The following STK26 variants were observed in gnomAD, a reference collection of about 807,000 sequenced individuals.
STK26 encodes the protein serine/threonine-protein kinase 26.
Under a neutral mutation model 34.7 loss-of-function variants are expected in STK26, and 14 were observed. The ratio of observed to expected loss-of-function variants is 0.40; its 90% CI spans 0.27 to 0.63. The LOEUF (loss-of-function observed/expected upper bound fraction) is 0.63. Ranked by LOEUF, STK26 falls within the 30% of genes least tolerant of loss-of-function variation. The pLI is 0.38. For synonymous variants in STK26, 100 were observed against 109.8 expected (o/e 0.91, Z 0.56); for missense variants, 226 against 309.1 (o/e 0.73, Z 2.02).
chrX:132,028,062 T>C (rs1935141957), intron 2 of STK26, among the ~76,000 whole-genome samples: 1 of 98,078 alleles, frequency 1.0e-5, no homozygotes, highest in Non-Finnish European at 2.1e-5. Context: ...AGACAATGTT[T>C]AGTGGTTGTC....
At chrX:132,028,650 A>G (rs1569325415) in intron 2 of STK26, among the ~76,000 whole-genome samples, 3 of 111,360 alleles carry the variant, frequency 2.7e-5, no homozygotes, top group Non-Finnish European at 5.7e-5. Flanking sequence ...AGGAAAAGTA[A>G]GGTTGTAAGA....
intron 2 of STK26, among the ~76,000 whole-genome samples, chrX:132,028,996 G>T (rs1483086834): frequency 8.9e-6 from 1 of 112,472 alleles, no homozygotes; most frequent in Non-Finnish European, 1.9e-5. Context: ...ATATGCTAAT[G>T]ATAATGGCAG....
At chrX:132,069,182 A>G (rs1452196849) in intron 6 of STK26, among the ~76,000 whole-genome samples, 1 of 107,662 alleles carries the variant, frequency 9.3e-6, no homozygotes, top group Non-Finnish European at 1.9e-5. Flanking sequence ...ACCCCTTAAG[A>G]GCAGGGATTT....
At chrX:132,058,663 T>C (rs1926944184) in intron 3 of STK26, among the ~76,000 whole-genome samples, 1 of 111,517 alleles carries the variant, frequency 9.0e-6, no homozygotes, top group Admixed American at 9.5e-5. Context: ...AACTAGTTTT[T>C]TGTTTGTCCC....
intron 2 of STK26, among the ~76,000 whole-genome samples, chrX:132,054,126 G>A (rs935808956): frequency 8.9e-6 from 1 of 112,023 alleles, no homozygotes; most frequent in African/African-American, 3.2e-5. Context: ...GACCTGTAAA[G>A]CCTGGAGTCT....
rs1927547637 is a variant in STK26 at position 132,074,790 on chromosome X, C to A, written c.*631C>A. On this transcript the variant is annotated 3_prime_UTR_variant, in exon 12 of 12. Coordinates refer to ENST00000394334, the MANE Select transcript of STK26 (RefSeq NM_016542.4). ...AGGCAATGTACAGCAACAGAGGTAC[C>A]TCTTGGTGTATAGTATTTACATTCT... 1 of 111,127 alleles carries A rather than the reference C, an allele frequency of 9.0e-6. No homozygotes were observed. The highest frequency in any genetic ancestry group is 3.3e-5 in the African/African-American group (1 of 30,633). 9.2% of individuals were successfully genotyped at this position (111,127 alleles called of 1,213,427 possible).
At chrX:132,040,866 A>G (rs1926239490) in intron 2 of STK26, among the ~76,000 whole-genome samples, 3 of 111,984 alleles carry the variant, frequency 2.7e-5, no homozygotes, top group African/African-American at 9.7e-5. Context: ...TACCAATGCC[A>G]CTTGACTACT....
At chrX:132,069,453 T>TATATA (rs1927340488) in intron 6 of STK26, 25 bp from the exon 7 acceptor site, 3 of 304,130 alleles carry the variant, frequency 9.9e-6, no homozygotes, top group African/African-American at 8.1e-5. Context: ...ATATATATAT[T>TATATA]ATTTTCTTTT....
At position 132,023,569 on chromosome X, in the gene STK26, A is replaced by G; in HGVS notation, c.-49A>G. ...CCCCCGGAGGGAGGAGCCAGTCCGA[A>G]CCCAAGGCGCCACCGCCGCAGAAGC... On this transcript the variant is annotated 5_prime_UTR_variant, in exon 2 of 12. Transcript: ENST00000394334. 1 of 1,164,265 alleles carries G rather than the reference A, an allele frequency of 8.6e-7. No individual in the cohort carries two copies. Among genetic ancestry groups the G allele is most frequent in the South Asian group, 1.9e-5 (1 of 52,750 alleles).
intron 2 of STK26, among the ~76,000 whole-genome samples, chrX:132,036,200 T>C (rs1926042465): frequency 8.9e-6 from 1 of 112,422 alleles, no homozygotes; most frequent in Non-Finnish European, 1.9e-5. Context: ...CACTTTTCAA[T>C]TTCTAAAATG....
intron 4 of STK26, among the ~76,000 whole-genome samples, chrX:132,066,602 C>T (rs1927233925): frequency 8.9e-6 from 1 of 112,237 alleles, no homozygotes; most frequent in Non-Finnish European, 1.9e-5. Context: ...TCCCATCCTC[C>T]TCTAGCACCC....
chrX:132,062,488 A>C (rs759705985), intron 3 of STK26, among the ~76,000 whole-genome samples: 1 of 112,123 alleles, frequency 8.9e-6, no homozygotes, highest in African/African-American at 3.2e-5. Context: ...ACAGATTTTT[A>C]AAGCTACACT....
At chrX:132,069,902 A>G (rs1263482804) in intron 7 of STK26, among the ~76,000 whole-genome samples, 1 of 110,336 alleles carries the variant, frequency 9.1e-6, no homozygotes, top group Non-Finnish European at 1.9e-5. Context: ...TATTCTATTC[A>G]TTATTTCCTC....
chrX:132,049,181 C>T (rs1926603630), intron 2 of STK26, among the ~76,000 whole-genome samples: 1 of 111,555 alleles, frequency 9.0e-6, no homozygotes, highest in South Asian at 3.8e-4. Context: ...GATAGGGTTT[C>T]ACCCTGTTGC....
intron 2 of STK26, among the ~76,000 whole-genome samples, chrX:132,027,241 A>G (rs1196757276): frequency 1.8e-5 from 2 of 111,851 alleles, no homozygotes; most frequent in Non-Finnish European, 3.8e-5. Flanking sequence ...TGACTTTACA[A>G]TGGTACTCAC....
intron 2 of STK26, among the ~76,000 whole-genome samples, chrX:132,043,912 C>T (rs945718911): frequency 2.7e-5 from 3 of 111,635 alleles, no homozygotes; most frequent in African/African-American, 9.8e-5. Flanking sequence ...AAATAACTGT[C>T]TCCAGTTGAA....
At chrX:132,055,339 C>A (rs1468385125) in intron 3 of STK26, 8 of 683,493 alleles carry the variant, frequency 1.2e-5, no homozygotes, top group Non-Finnish European at 1.5e-5. Context: ...TACTTACATT[C>A]CTTAGCACAG....
At chrX:132,033,325 A>C (rs1409860925) in intron 2 of STK26, among the ~76,000 whole-genome samples, 2 of 112,184 alleles carry the variant, frequency 1.8e-5, no homozygotes, top group Non-Finnish European at 3.8e-5. Flanking sequence ...TTTTAGCAGA[A>C]GCACAAAAGA....
At chrX:132,063,825 T>A (rs1358307467) in intron 4 of STK26, among the ~76,000 whole-genome samples, 5 of 112,178 alleles carry the variant, frequency 4.5e-5, no homozygotes, top group Admixed American at 3.8e-4. Context: ...CTTAGATTTT[T>A]AAAAAATATG....
Sources: gnomAD v4.1 joint callset for allele counts (sites outside exome capture counted in the v4.1 genomes callset) on GRCh38, gnomAD v4.1.1 for gene constraint, MANE v1.5 for transcripts, NCBI Gene and HGNC (gene_info 2026-07-23, HGNC 2026-07-21) for gene names.